ROCK1: variants seen among roughly 807,000 people sequenced by gnomAD.
ROCK1 encodes Rho associated coiled-coil containing protein kinase 1, also known as rho-associated protein kinase 1.
In ROCK1, 36 loss-of-function variants were observed where a neutral mutation model predicts 196.8. The ratio of observed to expected loss-of-function variants is 0.18; its 90% confidence interval spans 0.14 to 0.24. The LOEUF (loss-of-function observed/expected upper bound fraction) is 0.24. ROCK1 is among the 10% of genes least tolerant of loss of function. The probability of loss-of-function intolerance (pLI) is 1.00; values close to 1 mark genes in which losing one functional copy is unlikely to be tolerated. For missense variants in ROCK1, 920 were observed against 1,562.0 expected (o/e 0.59, Z 6.93); for synonymous variants, 443 against 515.9 (o/e 0.86, Z 1.91).
At chr18:21,087,098 T>C (rs1418567576) in intron 1 of ROCK1, among the ~76,000 whole-genome samples, 2 of 152,042 alleles carry the variant, frequency 1.3e-5, no homozygotes, top group African/African-American at 2.4e-5. Flanking sequence ...TAGTAAAATA[T>C]CAAAACCAAT....
intron 4 of ROCK1, 148 bp from the exon 5 acceptor site, chr18:21,045,615 CAT>C (rs1209786563): frequency 1.1e-5 from 7 of 625,752 alleles, no homozygotes; most frequent in Middle Eastern, 4.3e-4. Flanking sequence ...AAAAGACAAA[CAT>C]AAATGCCACA....
intron 1 of ROCK1, among the ~76,000 whole-genome samples, chr18:21,110,549 T>A (rs908747965): frequency 1.3e-5 from 2 of 152,232 alleles, no homozygotes; most frequent in African/African-American, 4.8e-5. Flanking sequence ...ATAGGATGCC[T>A]GCAATAGCAG....
At chr18:21,083,464 T>C (rs2036498683) in intron 1 of ROCK1, among the ~76,000 whole-genome samples, 1 of 152,166 alleles carries the variant, frequency 6.6e-6, no homozygotes, top group Non-Finnish European at 1.5e-5. Context: ...ACTGCTGGCA[T>C]AAGGACAAGC....
intron 9 of ROCK1, among the ~76,000 whole-genome samples, chr18:21,036,979 A>G (rs1237574509): frequency 1.3e-5 from 2 of 152,156 alleles, no homozygotes; most frequent in African/African-American, 4.8e-5. Context: ...TTTGATCTAT[A>G]TAACACTGAA....
chr18:21,084,825 C>G (rs1458483665), intron 1 of ROCK1, among the ~76,000 whole-genome samples: 4 of 152,108 alleles, frequency 2.6e-5, no homozygotes, highest in African/African-American at 4.8e-5. Flanking sequence ...GCAGCATATT[C>G]AAAATAGCTC....
chr18:20,993,277 C>G (rs2035642412), intron 16 of ROCK1, among the ~76,000 whole-genome samples: 1 of 152,176 alleles, frequency 6.6e-6, no homozygotes, highest in Non-Finnish European at 1.5e-5. Context: ...AAGCTCAGCT[C>G]ACTGCAAGCT....
At chr18:21,107,071 CACA>C (rs998914974) in intron 1 of ROCK1, among the ~76,000 whole-genome samples, 1 of 152,142 alleles carries the variant, frequency 6.6e-6, no homozygotes, top group African/African-American at 2.4e-5. Flanking sequence ...ATACCTTATA[CACA>C]ACAACCTGAA....
At chr18:20,971,681 T>C (rs1430215031) in intron 22 of ROCK1, among the ~76,000 whole-genome samples, 1 of 119,144 alleles carries the variant, frequency 8.4e-6, no homozygotes, top group Non-Finnish European at 1.6e-5. Flanking sequence ...AATAAATAAA[T>C]AAATAAATAA....
chr18:21,098,131 T>C (rs762423584), intron 1 of ROCK1, among the ~76,000 whole-genome samples: 3 of 152,154 alleles, frequency 2.0e-5, no homozygotes, highest in Non-Finnish European at 2.9e-5. Context: ...TGTATGTGCA[T>C]GGGAGAGCAG....
At chr18:21,104,820 C>T (rs2036690064) in intron 1 of ROCK1, among the ~76,000 whole-genome samples, 1 of 152,166 alleles carries the variant, frequency 6.6e-6, no homozygotes. Flanking sequence ...AAGTATATAC[C>T]ATATTATAAA....
intron 16 of ROCK1, among the ~76,000 whole-genome samples, chr18:20,999,486 A>C (rs1377895721): frequency 6.6e-6 from 1 of 152,200 alleles, no homozygotes; most frequent in African/African-American, 2.4e-5. Flanking sequence ...GGTATTCATG[A>C]AATACCCACA....
Position 20,966,951 on chromosome 18 carries a change from A to G in ROCK1, c.3318T>C (p.Phe1106=), listed in dbSNP as rs1269562423. ...TACCATCAGTTTCATCAGCACTAGG[A>G]AAACTAGCAACACTTGTAGAATCCG... ...DLSDSTSVAS[F]PSADETDGNL... Residue 1106 remains phenylalanine (F), a synonymous_variant, in exon 27 of 33, where the codon TTT becomes TTC. Coordinates refer to ENST00000399799, the MANE Select transcript of ROCK1 (RefSeq NM_005406.3). 1 of 1,613,682 alleles carries G rather than the reference A, an allele frequency of 6.2e-7. No individual in the cohort carries two copies. Among genetic ancestry groups the G allele is most frequent in the Admixed American group, 1.7e-5 (1 of 59,992 alleles).
intron 2 of ROCK1, among the ~76,000 whole-genome samples, chr18:21,059,211 T>A (rs1251610176): frequency 2.6e-5 from 4 of 152,186 alleles, no homozygotes; most frequent in Non-Finnish European, 5.9e-5. Flanking sequence ...CTGCTTCATC[T>A]CTCTGTGCCT....
At chr18:21,068,914 G>C (rs1598550986) in intron 2 of ROCK1, among the ~76,000 whole-genome samples, 1 of 152,086 alleles carries the variant, frequency 6.6e-6, no homozygotes, top group Admixed American at 6.5e-5. Flanking sequence ...TCTAAATTGG[G>C]AAAGTTTTAC....
chr18:21,024,459 C>G (rs1344333606), intron 10 of ROCK1, among the ~76,000 whole-genome samples: 1 of 152,170 alleles, frequency 6.6e-6, no homozygotes, highest in African/African-American at 2.4e-5. Flanking sequence ...GTTGCTCCTA[C>G]TGCCACCATG....
At chr18:21,032,391 A>G (rs1198064574) in intron 9 of ROCK1, among the ~76,000 whole-genome samples, 2 of 152,202 alleles carry the variant, frequency 1.3e-5, no homozygotes, top group African/African-American at 4.8e-5. Flanking sequence ...AGAAAAGGAA[A>G]AGAAGAAGGA....
intron 9 of ROCK1, 129 bp downstream of exon 9, chr18:21,039,343 T>A: frequency 1.5e-6 from 1 of 661,522 alleles, no homozygotes; most frequent in South Asian, 1.9e-5. Context: ...GTTAGGACAA[T>A]TCCCATATAG....
intron 7 of ROCK1, 40 bp downstream of exon 7, chr18:21,042,525 A>T: frequency 1.3e-6 from 2 of 1,586,656 alleles, no homozygotes; most frequent in Non-Finnish European, 1.7e-6. Context: ...TTTTGAGATG[A>T]ACAACTGTAA....
intron 1 of ROCK1, among the ~76,000 whole-genome samples, chr18:21,078,135 C>G (rs2036449883): frequency 6.6e-6 from 1 of 152,134 alleles, no homozygotes; most frequent in African/African-American, 2.4e-5. Flanking sequence ...TCGAGACCAG[C>G]CTGGCCAATA....
Sources: allele counts gnomAD v4.1 joint callset (sites outside exome capture counted in the v4.1 genomes callset), GRCh38; gene constraint gnomAD v4.1.1; transcripts MANE v1.5; gene names NCBI Gene and HGNC (gene_info 2026-07-23, HGNC 2026-07-21).